LDLRAD4: variants seen among roughly 807,000 people sequenced by gnomAD.
LDLRAD4 encodes the protein low-density lipoprotein receptor class A domain-containing protein 4.
In LDLRAD4, 5 loss-of-function variants were observed where a neutral mutation model predicts 17.0. That is an observed-to-expected ratio of 0.29 (90% confidence interval 0.15 to 0.62). The LOEUF (loss-of-function observed/expected upper bound fraction) is 0.62, where lower values mean the gene tolerates loss of function less well. Among genes scored for constraint, LDLRAD4 ranks in the 20% least tolerant of loss-of-function variants. The pLI, the probability that LDLRAD4 is intolerant of heterozygous loss-of-function variation, is 0.84. For missense variants in LDLRAD4, 340 were observed against 424.7 expected (o/e 0.80, Z 1.75); for synonymous variants, 168 against 171.8 (o/e 0.98, Z 0.17).
intron 1 of LDLRAD4, among the ~76,000 whole-genome samples, chr18:13,263,970 C>T (rs566344445): frequency 1.3e-5 from 2 of 151,592 alleles, no homozygotes; most frequent in Non-Finnish European, 2.9e-5. Context: ...TCCTCAAGTA[C>T]CATTTAATTA....
intron 4 of LDLRAD4, among the ~76,000 whole-genome samples, chr18:13,623,379 G>T (rs532124538): frequency 6.6e-6 from 1 of 152,324 alleles, no homozygotes; most frequent in East Asian, 1.9e-4. Context: ...TTTTGTTAAT[G>T]TGCACATACA....
At chr18:13,454,623 G>A (rs546473681) in intron 3 of LDLRAD4, among the ~76,000 whole-genome samples, 32 of 152,348 alleles carry the variant, frequency 2.1e-4, no homozygotes, top group Non-Finnish European at 3.8e-4. Flanking sequence ...CTTTGTCCAC[G>A]CTGAAGGATG....
At chr18:13,547,623 A>T (rs886264130) in intron 3 of LDLRAD4, among the ~76,000 whole-genome samples, 3 of 152,212 alleles carry the variant, frequency 2.0e-5, no homozygotes, top group African/African-American at 7.2e-5. Flanking sequence ...GTACATGGCC[A>T]GGCATGCTGT....
chr18:13,543,236 A>G (rs1199719084), intron 3 of LDLRAD4: 2 of 152,206 alleles, frequency 1.3e-5, no homozygotes, highest in Non-Finnish European at 2.9e-5. Flanking sequence ...GGCCTGGGAC[A>G]ACCACGGGAT....
chr18:13,530,593 C>T (rs760112104), intron 3 of LDLRAD4, among the ~76,000 whole-genome samples: 31 of 152,234 alleles, frequency 2.0e-4, no homozygotes, highest in Non-Finnish European at 3.1e-4. Flanking sequence ...CAGAGAGAGG[C>T]GGCAGGGTGG....
At chr18:13,284,831 G>A (rs149115095) in intron 1 of LDLRAD4, among the ~76,000 whole-genome samples, 1 of 152,216 alleles carries the variant, frequency 6.6e-6, no homozygotes, top group African/African-American at 2.4e-5. Context: ...CCAAGGTCAG[G>A]TTCCTGAGAT....
At position 13,555,888 on chromosome 18, in the gene LDLRAD4, G is replaced by GTA. The variant is rs1426404180; in HGVS notation, c.182-65228_182-65227insAT. On this transcript the variant is annotated intron_variant, in intron 3 of 5. Coordinates refer to ENST00000359446, the Ensembl canonical transcript of LDLRAD4. ...TTCTAAGAAGGCGGGAAAGCAGTTT[G>GTA]TGTGAATTATTCTTACCTTATTTTT... is the stretch of plus-strand genomic sequence containing the variant. Among the ~76,000 whole-genome samples, 3 of 130,538 alleles carry GTA rather than the reference G, an allele frequency of 2.3e-5. No homozygotes were observed. The Admixed American group carries it at 2.3e-4, about 10-fold the overall frequency. 85.6% of individuals were successfully genotyped at this position (130,538 alleles called of 152,430 possible).
intron 4 of LDLRAD4, among the ~76,000 whole-genome samples, chr18:13,627,824 T>C (rs2041310428): frequency 6.6e-6 from 1 of 152,202 alleles, no homozygotes; most frequent in Admixed American, 6.5e-5. Context: ...GCCTCTCTGC[T>C]GGCCTTGGGA....
At chr18:13,331,329 C>A (rs1387412886) in intron 1 of LDLRAD4, among the ~76,000 whole-genome samples, 1 of 152,146 alleles carries the variant, frequency 6.6e-6, no homozygotes, top group Non-Finnish European at 1.5e-5. Flanking sequence ...TGTGGGGAAG[C>A]CCCCTCCCCA....
At chr18:13,558,058 T>TG (rs1399037518) in intron 3 of LDLRAD4, among the ~76,000 whole-genome samples, 1 of 152,254 alleles carries the variant, frequency 6.6e-6, no homozygotes, top group East Asian at 1.9e-4. Context: ...TAGGGCGCTC[T>TG]GGGAAACTGC....
intron 3 of LDLRAD4, among the ~76,000 whole-genome samples, chr18:13,569,679 T>C (rs975223421): frequency 2.0e-5 from 3 of 151,988 alleles, no homozygotes; most frequent in African/African-American, 7.3e-5. Flanking sequence ...AGGTCAGGAG[T>C]TCGAGACCAG....
At chr18:13,528,566 A>C (rs928316289) in intron 3 of LDLRAD4, among the ~76,000 whole-genome samples, 14 of 151,866 alleles carry the variant, frequency 9.2e-5, no homozygotes, top group Non-Finnish European at 2.1e-4. Context: ...ACCCACCTTC[A>C]CCTTCCAAAG....
rs1338740381 is a variant in LDLRAD4, at chr18:13,418,785, A to G, written c.41-19459A>G. ...CATTCCAAAATATTTGCAAGTGCCTATGGAGATCCAAGCATTGCTCCAGAG... is the reference window on the plus strand; with the variant it reads ...CATTCCAAAATATTTGCAAGTGCCTGTGGAGATCCAAGCATTGCTCCAGAG... On this transcript the variant is annotated intron_variant, in intron 2 of 5. Transcript: ENST00000359446. Among the ~76,000 whole-genome samples, 5 of 152,288 alleles carry G rather than the reference A, an allele frequency of 3.3e-5. No homozygotes were observed. The East Asian group carries it at 7.7e-4, about 23-fold the overall frequency.
intron 3 of LDLRAD4, among the ~76,000 whole-genome samples, chr18:13,500,085 T>C (rs2093586978): frequency 6.6e-6 from 1 of 152,262 alleles, no homozygotes; most frequent in African/African-American, 2.4e-5. Context: ...ATGTTGGGAA[T>C]AATCTGAAAC....
chr18:13,395,349 T>C (rs1019090861), intron 2 of LDLRAD4, among the ~76,000 whole-genome samples: 1 of 143,714 alleles, frequency 7.0e-6, no homozygotes, highest in Non-Finnish European at 1.5e-5. Flanking sequence ...TTAATAGTTG[T>C]CATGCCATAC....
At chr18:13,266,918 A>C (rs972000553) in intron 1 of LDLRAD4, among the ~76,000 whole-genome samples, 1 of 152,270 alleles carries the variant, frequency 6.6e-6, no homozygotes, top group African/African-American at 2.4e-5. Flanking sequence ...CCAGTGAGGT[A>C]GAAAATCTTT....
At chr18:13,291,273 C>T (rs939493548) in intron 1 of LDLRAD4, among the ~76,000 whole-genome samples, 5 of 152,208 alleles carry the variant, frequency 3.3e-5, no homozygotes, top group Non-Finnish European at 1.5e-5. Flanking sequence ...ACATAATCAG[C>T]CACAAAGCCC....
intron 1 of LDLRAD4, among the ~76,000 whole-genome samples, chr18:13,354,849 T>C (rs527832517): frequency 2.0e-5 from 3 of 152,360 alleles, no homozygotes; most frequent in South Asian, 4.1e-4. Context: ...TGACCATTCA[T>C]TGAGTCCTCT....
At chr18:13,566,368 T>TTTTC (rs869283184) in intron 3 of LDLRAD4, among the ~76,000 whole-genome samples, 1 of 6,188 alleles carries the variant, frequency 1.6e-4, no homozygotes, top group African/African-American at 4.7e-3. Flanking sequence ...TGCCTTAGAC[T>TTTTC]TTTTTTTTTT....
Sources: gnomAD v4.1 joint callset for allele counts (sites outside exome capture counted in the v4.1 genomes callset) on GRCh38, gnomAD v4.1.1 for gene constraint, MANE v1.5 for transcripts, NCBI Gene and HGNC (gene_info 2026-07-23, HGNC 2026-07-21) for gene names.